The following LRRFIP1 variants were observed in gnomAD, a reference collection of about 807,000 sequenced individuals.
LRRFIP1 encodes the protein LRR binding FLII interacting protein 1.
LRRFIP1 carries 62 observed loss-of-function variants against 104.4 expected under a neutral mutation model. The observed-to-expected ratio is 0.59, with a 90% CI of 0.48 to 0.73. The LOEUF is 0.73. Ranked by LOEUF, LRRFIP1 falls within the 30% of genes least tolerant of loss-of-function variation. LRRFIP1 has a pLI of 0.00. For synonymous variants in LRRFIP1, 300 were observed against 299.0 expected (o/e 1.00, Z -0.03); for missense variants, 796 against 824.5 (o/e 0.97, Z 0.42).
At chr2:237,739,425 G>T (rs1399257937) in intron 11 of LRRFIP1, 116 bp downstream of exon 11, 6 of 921,638 alleles carry the variant, frequency 6.5e-6, no homozygotes, top group Admixed American at 2.7e-5. Context: ...ATATTATTAG[G>T]ATTACATTGC....
intron 7 of LRRFIP1, 114 bp from the exon 8 acceptor site, chr2:237,727,762 A>C: frequency 1.4e-6 from 1 of 738,160 alleles, no homozygotes; most frequent in Non-Finnish European, 2.3e-6. Flanking sequence ...CTGGTCATTC[A>C]TCCGCTCCAC....
At chr2:237,629,491 T>A (rs1441999448) in intron 1 of LRRFIP1, among the ~76,000 whole-genome samples, 2 of 119,476 alleles carry the variant, frequency 1.7e-5, no homozygotes, top group Admixed American at 9.3e-5. Flanking sequence ...TTTTTTTTTT[T>A]AACACAGTCT....
intron 1 of LRRFIP1, among the ~76,000 whole-genome samples, chr2:237,689,754 C>T (rs1247014468): frequency 1.3e-5 from 2 of 152,154 alleles, no homozygotes; most frequent in African/African-American, 4.8e-5. Flanking sequence ...GTCAGGGCAC[C>T]TACCAAGGGG....
chr2:237,684,091 G>C (rs1284797952), intron 1 of LRRFIP1: 2 of 151,980 alleles, frequency 1.3e-5, no homozygotes, highest in Non-Finnish European at 2.9e-5. Flanking sequence ...TAAACTCATA[G>C]GCAGGATTAC....
chr2:237,774,260 A>G, intron 22 of LRRFIP1, 98 bp from the exon 23 acceptor site: 3 of 730,956 alleles, frequency 4.1e-6, no homozygotes, highest in Non-Finnish European at 7.0e-6. Flanking sequence ...GTATTCTCCC[A>G]TTTTATTAAA....
rs1210293802 is a variant in LRRFIP1 at position 237,779,434 on chromosome 2, T to C, written c.1825T>C (p.Leu609=). Residue 609 remains leucine, a synonymous_variant, in exon 24 of 24, where the codon TTG becomes CTG. Transcript: ENST00000308482. ...CCTCCGTTCCCAGCTCCGCTCTGCA[T>C]TGGATAAAACAGAAGAGCTCGAGGT... The part of the protein sequence containing the change: ...RKLQRELRSA[L]DKTEELEVSN... 1.2e-6 allele frequency: 2 copies of C among 1,613,298 alleles called. No homozygotes were observed. Among genetic ancestry groups the C allele is most frequent in the African/African-American group, 1.3e-5 (1 of 74,924 alleles).
chr2:237,667,092 C>T (rs1190217828), intron 1 of LRRFIP1, among the ~76,000 whole-genome samples: 8 of 151,896 alleles, frequency 5.3e-5, no homozygotes, highest in Admixed American at 3.3e-4. Context: ...ACACGTGCCA[C>T]GGTGGTTTGC....
At chr2:237,645,097 G>A (rs1422564642) in intron 1 of LRRFIP1, among the ~76,000 whole-genome samples, 1 of 152,212 alleles carries the variant, frequency 6.6e-6, no homozygotes, top group Non-Finnish European at 1.5e-5. Context: ...GACTTAGGCT[G>A]CCCATCCTGG....
At chr2:237,720,933 C>A in intron 6 of LRRFIP1, 111 bp downstream of exon 6, 1 of 901,564 alleles carries the variant, frequency 1.1e-6, no homozygotes, top group Non-Finnish European at 1.8e-6. Flanking sequence ...GTCTGATAGT[C>A]AATATTTAAC....
At chr2:237,715,974 T>C (rs1183477916) in intron 3 of LRRFIP1, among the ~76,000 whole-genome samples, 1 of 152,226 alleles carries the variant, frequency 6.6e-6, no homozygotes, top group East Asian at 1.9e-4. Flanking sequence ...TGAAAGATTT[T>C]CAGAACTGGT....
At chr2:237,739,654 C>T (rs752597146) in intron 11 of LRRFIP1, among the ~76,000 whole-genome samples, 7 of 152,116 alleles carry the variant, frequency 4.6e-5, no homozygotes, top group Non-Finnish European at 1.0e-4. Flanking sequence ...TAAAGCGTGG[C>T]CTGTAGATCC....
In LRRFIP1 at chr2:237,708,745, G is replaced by A. The variant is rs763993617; in HGVS notation, c.183+115G>A. The A allele has an allele frequency of 2.1e-5, 25 of 1,190,624 alleles. No individual in the cohort carries two copies. In the East Asian group the frequency reaches 3.1e-4, roughly 15 times the overall value. 73.8% of individuals were successfully genotyped at this position (1,190,624 alleles called of 1,614,324 possible). A position where few individuals can be genotyped will look rare whatever the true frequency, so the allele number is the denominator to read the frequency against. On this transcript the variant is annotated intron_variant, in intron 2 of 23. Coordinates refer to ENST00000308482, the MANE Select transcript of LRRFIP1 (RefSeq NM_001137550.2). ...CACCTGGCTGTCTCACGTTGCTCACGGTCAGAGTGCGTTTGCGCCTGTGAC... is the reference window on the plus strand; with the variant it reads ...CACCTGGCTGTCTCACGTTGCTCACAGTCAGAGTGCGTTTGCGCCTGTGAC...
chr2:237,678,847 A>G (rs2091477938), intron 1 of LRRFIP1, among the ~76,000 whole-genome samples: 1 of 152,010 alleles, frequency 6.6e-6, no homozygotes, highest in Non-Finnish European at 1.5e-5. Context: ...TAGATCAAAC[A>G]CCTTCATTGC....
intron 1 of LRRFIP1, among the ~76,000 whole-genome samples, chr2:237,639,124 G>A (rs1406340163): frequency 3.3e-5 from 5 of 152,208 alleles, no homozygotes; most frequent in Non-Finnish European, 7.3e-5. Context: ...GGTGGTGGTC[G>A]TTTGCTACCT....
chr2:237,635,688 G>C (rs1020523175), intron 1 of LRRFIP1, among the ~76,000 whole-genome samples: 8 of 152,032 alleles, frequency 5.3e-5, no homozygotes. Flanking sequence ...AGCTGGGCAT[G>C]GTGATGCATG....
At chr2:237,713,581 A>G (rs1234961477) in intron 2 of LRRFIP1, among the ~76,000 whole-genome samples, 6 of 152,236 alleles carry the variant, frequency 3.9e-5, no homozygotes, top group African/African-American at 1.4e-4. Flanking sequence ...TTGGTCTCGC[A>G]GTTTTGGCAG....
chr2:237,731,525 A>G (rs2095011672), intron 8 of LRRFIP1, among the ~76,000 whole-genome samples: 3 of 148,980 alleles, frequency 2.0e-5, no homozygotes, highest in African/African-American at 5.2e-5. Flanking sequence ...GACTCAGTAT[A>G]TGATCAGCTG....
At chr2:237,644,490 C>T (rs745828442) in intron 1 of LRRFIP1, among the ~76,000 whole-genome samples, 6 of 152,200 alleles carry the variant, frequency 3.9e-5, no homozygotes, top group Non-Finnish European at 7.3e-5. Context: ...TAACTGAAAA[C>T]CTTTGGAGGA....
At position 237,701,789 on chromosome 2, in the gene LRRFIP1, C is replaced by T. The variant is rs567139368; in HGVS notation, c.97-6755C>T. Among the ~76,000 whole-genome samples, 5 of 152,310 alleles carry T rather than the reference C, an allele frequency of 3.3e-5. 1 individual carries two copies. Among genetic ancestry groups the T allele is most frequent in the African/African-American group, 4.8e-5 (2 of 41,558 alleles). On this transcript the variant is annotated intron_variant, in intron 1 of 23. Coordinates refer to ENST00000308482, the MANE Select transcript of LRRFIP1 (RefSeq NM_001137550.2). ...GAGCCCCTCAGGGCCCTCTGCATGCCGTGGGGTCCCTTTGCAAAGCACCTC... is the reference window on the plus strand; with the variant it reads ...GAGCCCCTCAGGGCCCTCTGCATGCTGTGGGGTCCCTTTGCAAAGCACCTC...
Sources: gnomAD v4.1 joint callset for allele counts (sites outside exome capture counted in the v4.1 genomes callset) on GRCh38, gnomAD v4.1.1 for gene constraint, MANE v1.5 for transcripts, NCBI Gene and HGNC (gene_info 2026-07-23, HGNC 2026-07-21) for gene names.